TERF2: variants seen among roughly 807,000 people sequenced by gnomAD.
TERF2 encodes telomeric repeat-binding factor 2.
In TERF2, 16 loss-of-function variants were observed where a neutral mutation model predicts 56.1. The observed-to-expected ratio is 0.29, with a 90% CI of 0.19 to 0.43. TERF2 has a LOEUF of 0.43. Among genes scored for constraint, TERF2 ranks in the 20% least tolerant of loss-of-function variants. The probability of loss-of-function intolerance (pLI) is 1.00; values close to 1 mark genes in which losing one functional copy is unlikely to be tolerated. For missense variants in TERF2, 547 were observed against 712.9 expected, an observed-to-expected ratio of 0.77 and a Z score of 2.65; for synonymous variants, 296 against 282.1, an observed-to-expected ratio of 1.05 and a Z score of -0.50.
chr16:69,374,135 ATACT>A (rs971613111), intron 3 of TERF2, among the ~76,000 whole-genome samples: 2 of 152,334 alleles, frequency 1.3e-5, no homozygotes, highest in South Asian at 2.1e-4. Context: ...TGCTCAAACT[ATACT>A]TACTTTCTTG....
In TERF2 at chr16:69,366,855, G is replaced by T; in HGVS notation, c.1292C>A (p.Ser431Tyr). The T allele has an allele frequency of 6.2e-7, 1 of 1,614,168 alleles. No homozygotes were observed. Among genetic ancestry groups the T allele is most frequent in the South Asian group, 1.1e-5 (1 of 91,082 alleles). Reference protein sequence around the residue: ...SSQEAASAPPSKPTVLNQPLP... With the variant: ...SSQEAASAPPYKPTVLNQPLP... Reference sequence around the variant, plus strand: ...GGGTTGGTTGAGAACGGTGGGCTTGGATGGTGGCGCTGAAGCGGCCTCCTG... The same window carrying T: ...GGGTTGGTTGAGAACGGTGGGCTTGTATGGTGGCGCTGAAGCGGCCTCCTG... Residue 431 changes from serine (S) to tyrosine (Y), a missense_variant, in exon 7 of 10, where the codon TCC becomes TAC. Physicochemically the swap from Ser to Tyr is moderately radical, Grantham distance 144. Around this residue, in one of 6 missense-constraint regions of TERF2, gnomAD observed 211 missense variants for 236.8 expected, o/e 0.89. Transcript: ENST00000254942.
At chr16:69,380,882 ACCT>A (rs950622351) in intron 3 of TERF2, among the ~76,000 whole-genome samples, 8 of 141,086 alleles carry the variant, frequency 5.7e-5, no homozygotes, top group Non-Finnish European at 1.1e-4. Context: ...GCTCACGGCA[ACCT>A]CCTCCTCCCG....
chr16:69,363,096 T>G (rs909379733), intron 7 of TERF2, among the ~76,000 whole-genome samples: 4 of 152,254 alleles, frequency 2.6e-5, no homozygotes, highest in African/African-American at 9.6e-5. Flanking sequence ...AAATGTTACT[T>G]GAGAATAATT....
intron 3 of TERF2, 89 bp from the exon 4 acceptor site, chr16:69,372,444 A>G (rs2013611430): frequency 6.9e-6 from 6 of 867,202 alleles, no homozygotes; most frequent in Non-Finnish European, 8.9e-6. Context: ...CTCTCACATC[A>G]TATCAAATTT....
chr16:69,368,098 A>C (rs1180414344), intron 6 of TERF2, among the ~76,000 whole-genome samples: 2 of 152,218 alleles, frequency 1.3e-5, no homozygotes, highest in Non-Finnish European at 2.9e-5. Context: ...TTAGGTGTCC[A>C]CAAGAAAAGT....
intron 9 of TERF2, 96 bp downstream of exon 9, chr16:69,357,422 T>G (rs1301179151): frequency 1.0e-6 from 1 of 997,634 alleles, no homozygotes; most frequent in Admixed American, 2.5e-5. Context: ...AGGTTTTTAC[T>G]GGGTACATAA....
chr16:69,363,504 C>CA (rs2013222635), intron 7 of TERF2, among the ~76,000 whole-genome samples: 1 of 152,176 alleles, frequency 6.6e-6, no homozygotes, highest in Non-Finnish European at 1.5e-5. Flanking sequence ...CTGAGTGGTC[C>CA]TGGCCAAGTC....
At chr16:69,367,232 T>C in intron 6 of TERF2, 33 bp from the exon 7 acceptor site, 2 of 1,564,978 alleles carry the variant, frequency 1.3e-6, no homozygotes, top group Non-Finnish European at 8.7e-7. Context: ...AAGATGTTTT[T>C]CACCACTGAT....
At chr16:69,383,151 T>C (rs1161054092) in intron 3 of TERF2, among the ~76,000 whole-genome samples, 1 of 152,164 alleles carries the variant, frequency 6.6e-6, no homozygotes, top group Non-Finnish European at 1.5e-5. Flanking sequence ...AGCCCTTGTG[T>C]TCTAAAGGAG....
chr16:69,385,571 C>A (rs775262009), intron 1 of TERF2, 22 bp downstream of exon 1: 1 of 1,587,326 alleles, frequency 6.3e-7, no homozygotes, highest in East Asian at 2.2e-5. Flanking sequence ...CTCCAACCCC[C>A]CTCCCCCGGC....
At chr16:69,357,457 C>G in intron 9 of TERF2, 61 bp downstream of exon 9, 1 of 1,414,396 alleles carries the variant, frequency 7.1e-7, no homozygotes, top group East Asian at 2.3e-5. Flanking sequence ...TGAGACAGGG[C>G]GCGTATTTTA....
rs562767385 is a variant in TERF2, at chr16:69,370,329, C to G, written c.840+154G>C. ...TACAGGCGTGAGCCATTGCGCCTGGCCTGCTTTTGCATTTTTAAGGCATTT... is the reference window on the plus strand; with the variant it reads ...TACAGGCGTGAGCCATTGCGCCTGGGCTGCTTTTGCATTTTTAAGGCATTT... On this transcript the variant is annotated intron_variant, in intron 5 of 9. Coordinates refer to ENST00000254942, the MANE Select transcript of TERF2 (RefSeq NM_005652.5). The G allele has an allele frequency of 5.5e-6, 6 of 1,096,074 alleles. No homozygotes were observed. In the Admixed American group the frequency reaches 1.2e-4, roughly 22 times the overall value. 67.9% of individuals were successfully genotyped at this position (1,096,074 alleles called of 1,614,324 possible).
At chr16:69,378,754 C>T (rs1027024993) in intron 3 of TERF2, among the ~76,000 whole-genome samples, 1 of 152,128 alleles carries the variant, frequency 6.6e-6, no homozygotes, top group Non-Finnish European at 1.5e-5. Flanking sequence ...CTGTCCAAGA[C>T]TTATAATTAC....
Position 69,385,898 on chromosome 16 carries a change from G to C in TERF2, c.74C>G (p.Pro25Arg). 7.3e-7 allele frequency: 1 copy of C among 1,377,226 alleles called. No homozygotes were observed. Among genetic ancestry groups the C allele is most frequent in the Non-Finnish European group, 9.4e-7 (1 of 1,063,888 alleles). 85.3% of individuals were successfully genotyped at this position (1,377,226 alleles called of 1,614,324 possible). A position where few individuals can be genotyped will look rare whatever the true frequency, so the allele number is the denominator to read the frequency against. ...GCCCTCCCGGCCGGGCCGCTTCCTC[G>C]GCTGTGACGCCGCTGGGTCACGCAC... ...GVVRDPAASQ[P>R]RKRPGREGGE... The change falls in exon 1 of 10, where the codon CCG becomes CGG. Residue 25 changes from proline to arginine, a missense_variant. By Grantham distance (103) the Pro-to-Arg change is moderately radical (BLOSUM62 -2). Around this residue, in one of 6 missense-constraint regions of TERF2, gnomAD observed 85 missense variants for 59.5 expected, o/e 1.43. Coordinates refer to ENST00000254942, the MANE Select transcript of TERF2 (RefSeq NM_005652.5).
intron 7 of TERF2, 106 bp downstream of exon 7, chr16:69,366,701 G>C (rs757276705): frequency 2.2e-6 from 3 of 1,387,682 alleles, no homozygotes; most frequent in Non-Finnish European, 2.9e-6. Context: ...AGCAAGCCTT[G>C]GTGGTGAGTA....
At chr16:69,373,084 G>A (rs1442979468) in intron 3 of TERF2, among the ~76,000 whole-genome samples, 1 of 152,124 alleles carries the variant, frequency 6.6e-6, no homozygotes, top group East Asian at 1.9e-4. Flanking sequence ...GAAAGAAAGA[G>A]ATGTGCTGAC....
chr16:69,359,832 G>A (rs887306357), intron 8 of TERF2, among the ~76,000 whole-genome samples: 4 of 151,474 alleles, frequency 2.6e-5, no homozygotes, highest in African/African-American at 9.7e-5. Context: ...TATTGGCCAT[G>A]CTGGTGTCGA....
intron 8 of TERF2, among the ~76,000 whole-genome samples, chr16:69,359,255 T>C (rs1478346649): frequency 2.0e-5 from 3 of 152,168 alleles, no homozygotes; most frequent in East Asian, 1.9e-4. Context: ...TGGCTGGGTG[T>C]GGTGGCTCAC....
chr16:69,385,454 T>A lies in TERF2; in HGVS notation c.412A>T (p.Thr138Ser). ...LLVRPLGKEHTVSRLLRVMQC... is the reference protein window; with the variant it reads ...LLVRPLGKEHSVSRLLRVMQC... ...ATAACCCGCAGCAATCGGGACACGG[T>A]GTGCTCCTTCCCCAAGGGCCTGACA... The change falls in exon 2 of 10, where the codon ACC (threonine) becomes TCC (serine). Residue 138 changes from threonine (T) to serine (S), a missense_variant. Physicochemically the swap from Thr to Ser is moderately conservative, Grantham distance 58. Coordinates refer to ENST00000254942, the MANE Select transcript of TERF2 (RefSeq NM_005652.5). 6.2e-7 allele frequency: 1 copy of A among 1,614,126 alleles called. No homozygotes were observed. Among genetic ancestry groups the A allele is most frequent in the East Asian group, 2.2e-5 (1 of 44,878 alleles).
Sources: allele counts gnomAD v4.1 joint callset (sites outside exome capture counted in the v4.1 genomes callset), GRCh38; gene constraint gnomAD v4.1.1; regional missense constraint gnomAD v4.1.1; transcripts MANE v1.5; gene names NCBI Gene and HGNC (gene_info 2026-07-23, HGNC 2026-07-21).